The following PPME1 variants were observed in gnomAD, a reference collection of about 807,000 sequenced individuals.
PPME1 encodes protein phosphatase methylesterase 1, also known as testicular secretory protein Li 39.
A neutral mutation model predicts 56.9 loss-of-function variants in PPME1; 17 were observed. The observed-to-expected ratio is 0.30, with a 90% CI of 0.20 to 0.45. The LOEUF (loss-of-function observed/expected upper bound fraction) is 0.45, where lower values mean the gene tolerates loss of function less well. Ranked by LOEUF, PPME1 falls within the 20% of genes least tolerant of loss-of-function variation. The probability of loss-of-function intolerance (pLI) is 1.00; values close to 1 mark genes in which losing one functional copy is unlikely to be tolerated. For synonymous variants in PPME1, 122 were observed against 156.2 expected (o/e 0.78, Z 1.63); for missense variants, 357 against 483.2 (o/e 0.74, Z 2.45).
At chr11:74,181,030 CTTTTTTTTTTTTTTTT>C (rs1005872237) in intron 1 of PPME1, among the ~76,000 whole-genome samples, 6 of 96,148 alleles carry the variant, frequency 6.2e-5, no homozygotes, top group Admixed American at 1.3e-4. Context: ...ATTTTCTTCA[CTTTTTTTTTTTTTTTT>C]TTTTTTTTTG....
chr11:74,220,938 T>G (rs1180388217), intron 3 of PPME1, among the ~76,000 whole-genome samples: 1 of 152,186 alleles, frequency 6.6e-6, no homozygotes, highest in Non-Finnish European at 1.5e-5. Context: ...ATTTATTTTT[T>G]TCTAGTCTTC....
intron 3 of PPME1, among the ~76,000 whole-genome samples, chr11:74,208,379 C>G (rs12791600): frequency 6.6e-6 from 1 of 151,846 alleles, no homozygotes; most frequent in Non-Finnish European, 1.5e-5. Flanking sequence ...CTTACTAAAC[C>G]CCTGCTGTGT....
intron 5 of PPME1, among the ~76,000 whole-genome samples, chr11:74,229,528 A>G (rs986289173): frequency 2.0e-5 from 3 of 152,186 alleles, no homozygotes; most frequent in Non-Finnish European, 4.4e-5. Flanking sequence ...ATTAGAACCA[A>G]AGCCAATAAA....
intron 1 of PPME1, among the ~76,000 whole-genome samples, chr11:74,196,002 A>T (rs1337645316): frequency 6.6e-6 from 1 of 152,232 alleles, no homozygotes; most frequent in African/African-American, 2.4e-5. Flanking sequence ...ATGTGGCTCA[A>T]CTATAAACAG....
At chr11:74,173,224 G>A (rs1338090342) in intron 1 of PPME1, among the ~76,000 whole-genome samples, 2 of 152,182 alleles carry the variant, frequency 1.3e-5, no homozygotes, top group Non-Finnish European at 2.9e-5. Flanking sequence ...AACATTATTT[G>A]GGAAAACTAA....
chr11:74,203,825 T>A lies in PPME1; in HGVS notation c.195+4T>A. The stretch of plus-strand genomic sequence containing the variant: ...AGAGAATGAAACTGGCAAGGATATA[T>A]CCTTTGCAAAATGGCTTATTCTTTA... On this transcript the variant is annotated splice_donor_region_variant and intron_variant, in intron 2 of 13. Coordinates refer to ENST00000328257, the MANE Select transcript of PPME1 (RefSeq NM_016147.3). 1.3e-6 allele frequency: 2 copies of A among 1,591,444 alleles called. No homozygotes were observed. The highest frequency in any genetic ancestry group is 2.3e-5 in the South Asian group (2 of 87,754).
At chr11:74,220,138 A>G (rs890657678) in intron 3 of PPME1, among the ~76,000 whole-genome samples, 5 of 152,128 alleles carry the variant, frequency 3.3e-5, no homozygotes, top group African/African-American at 1.2e-4. Context: ...GGGGATACCT[A>G]TTTCTCCACA....
Position 74,253,569 on chromosome 11 carries a change from G to A in PPME1, c.*59G>A. 1 of 1,544,030 alleles carries A rather than the reference G, an allele frequency of 6.5e-7. No homozygotes were observed. Among genetic ancestry groups the A allele is most frequent in the Non-Finnish European group, 9.0e-7 (1 of 1,116,418 alleles). On this transcript the variant is annotated 3_prime_UTR_variant, in exon 14 of 14. Transcript: ENST00000328257. ...TCTGTTGTAAATACGTCGCACCAGA[G>A]GCCACTGTGATGCCACTGTCTCCTC...
rs569337275 is a variant in PPME1, at chr11:74,247,221, T to C, written c.1009+98T>C. 6 of 1,142,526 alleles carry C rather than the reference T, an allele frequency of 5.3e-6. No homozygotes were observed. The African/African-American group carries it at 7.8e-5, about 15-fold the overall frequency. 70.8% of individuals were successfully genotyped at this position (1,142,526 alleles called of 1,614,324 possible). On this transcript the variant is annotated intron_variant, in intron 11 of 13. Coordinates refer to ENST00000328257, the MANE Select transcript of PPME1 (RefSeq NM_016147.3). ...ATAGTGAGGTATAACGGAGAAAGCA[T>C]GAGCTTTAGAGTCCGACCCAAGTTG...
chr11:74,230,104 T>C lies in PPME1; in HGVS notation c.399-141T>C. 1.2e-6 allele frequency: 1 copy of C among 832,302 alleles called. No individual in the cohort carries two copies. The highest frequency in any genetic ancestry group is 2.6e-5 in the East Asian group (1 of 38,430). 51.6% of individuals were successfully genotyped at this position (832,302 alleles called of 1,614,324 possible). On this transcript the variant is annotated intron_variant, in intron 5 of 13. Transcript: ENST00000328257. This position sits in a 1 kb window ranked among gnomAD's most constrained non-coding sequence, Gnocchi z 4.9. ...CTGGGGACATGTTAGAAGGTTTACATAGGTATGTTTGTAAGATGGCCCAAT... is the reference window on the plus strand; with the variant it reads ...CTGGGGACATGTTAGAAGGTTTACACAGGTATGTTTGTAAGATGGCCCAAT...
At chr11:74,200,785 G>T (rs1030475059) in intron 1 of PPME1, among the ~76,000 whole-genome samples, 2 of 152,044 alleles carry the variant, frequency 1.3e-5, no homozygotes, top group Non-Finnish European at 2.9e-5. Flanking sequence ...TTAAATAAAT[G>T]GGAATTACTC....
intron 3 of PPME1, among the ~76,000 whole-genome samples, chr11:74,220,130 G>T (rs1286504765): frequency 1.3e-5 from 2 of 151,920 alleles, no homozygotes; most frequent in Non-Finnish European, 2.9e-5. Context: ...ATATTTGTGG[G>T]GATACCTATT....
At chr11:74,248,075 G>C (rs1859553279) in intron 11 of PPME1, 1 of 152,434 alleles carries the variant, frequency 6.6e-6, no homozygotes, top group African/African-American at 2.4e-5. Flanking sequence ...GACATGCTGA[G>C]CACTGTATAC....
At chr11:74,247,235 C>CAACTTGGGTCG in intron 11 of PPME1, 112 bp downstream of exon 11, 6 of 918,230 alleles carry the variant, frequency 6.5e-6, no homozygotes, top group Non-Finnish European at 9.9e-6. Flanking sequence ...CTTTAGAGTC[C>CAACTTGGGTCG]GACCCAAGTT....
chr11:74,217,739 A>AT (rs1406165496), intron 3 of PPME1, among the ~76,000 whole-genome samples: 5 of 151,716 alleles, frequency 3.3e-5, no homozygotes, highest in Non-Finnish European at 5.9e-5. Context: ...TCCCTTCATG[A>AT]TAAAAAAAAA....
At chr11:74,203,666 A>G in intron 1 of PPME1, 62 bp from the exon 2 acceptor site, 1 of 1,290,862 alleles carries the variant, frequency 7.7e-7, no homozygotes, top group Admixed American at 2.0e-5. Flanking sequence ...GCATTTATTG[A>G]CCAAGATTTT....
intron 1 of PPME1, among the ~76,000 whole-genome samples, chr11:74,175,150 A>G (rs951586241): frequency 6.6e-6 from 1 of 152,196 alleles, no homozygotes; most frequent in Non-Finnish European, 1.5e-5. Flanking sequence ...TATTACTATT[A>G]GAGGAACTAT....
chr11:74,245,973 A>AAAT, intron 9 of PPME1, 103 bp from the exon 10 acceptor site: 3 of 1,343,668 alleles, frequency 2.2e-6, no homozygotes, highest in Non-Finnish European at 3.0e-6. Context: ...GTCCTTAATA[A>AAAT]GTGCTAGTTT....
At chr11:74,229,004 A>G (rs1858999973) in intron 5 of PPME1, among the ~76,000 whole-genome samples, 1 of 152,198 alleles carries the variant, frequency 6.6e-6, no homozygotes. Context: ...TCGAACGAAT[A>G]TTAAACTATT....
Sources: allele counts gnomAD v4.1 joint callset (sites outside exome capture counted in the v4.1 genomes callset), GRCh38; gene constraint gnomAD v4.1.1; non-coding constraint Gnocchi (gnomAD v3.1); transcripts MANE v1.5; gene names NCBI Gene and HGNC (gene_info 2026-07-23, HGNC 2026-07-21).